The following DDC variants were observed in gnomAD, a reference collection of about 807,000 sequenced individuals.
DDC encodes the protein dopa decarboxylase.
Under a neutral mutation model 60.0 loss-of-function variants are expected in DDC, and 43 were observed. The observed-to-expected ratio is 0.72, with a 90% CI of 0.56 to 0.92. The LOEUF (loss-of-function observed/expected upper bound fraction) is 0.92, where lower values mean the gene tolerates loss of function less well. DDC is among the 40% of genes least tolerant of loss of function. DDC has a pLI of 0.00. For synonymous variants in DDC, 232 were observed against 234.6 expected, an observed-to-expected ratio of 0.99 and a Z score of 0.10; for missense variants, 573 against 620.2, an observed-to-expected ratio of 0.92 and a Z score of 0.81.
chr7:50,494,483 G>A (rs1442719710), intron 9 of DDC, among the ~76,000 whole-genome samples: 7 of 151,634 alleles, frequency 4.6e-5, no homozygotes, highest in African/African-American at 7.3e-5. Flanking sequence ...CAGCCTGGGC[G>A]ACAGAATGAG....
chr7:50,535,850 A>AT (rs1222287719), intron 4 of DDC, among the ~76,000 whole-genome samples: 1 of 152,138 alleles, frequency 6.6e-6, no homozygotes, highest in Non-Finnish European at 1.5e-5. Context: ...GACTTGAGAG[A>AT]TTATCTCAGA....
intron 9 of DDC, chr7:50,492,683 A>T: frequency 2.5e-6 from 3 of 1,221,724 alleles, no homozygotes; most frequent in Non-Finnish European, 3.1e-6. Flanking sequence ...TCTACAAGGA[A>T]ATTTTCCAAA....
At chr7:50,556,794 A>G (rs2153554041) in intron 1 of DDC, among the ~76,000 whole-genome samples, 1 of 152,158 alleles carries the variant, frequency 6.6e-6, no homozygotes, top group East Asian at 1.9e-4. Context: ...AACTGCCACA[A>G]TCAAGTGGAG....
intron 12 of DDC, 54 bp from the exon 13 acceptor site, chr7:50,467,369 T>C: frequency 6.9e-7 from 1 of 1,455,304 alleles, no homozygotes; most frequent in Non-Finnish European, 9.6e-7. Flanking sequence ...AATTCAGAAC[T>C]TAACTACCTA....
At chr7:50,520,627 A>C (rs2043863321) in intron 6 of DDC, among the ~76,000 whole-genome samples, 1 of 152,194 alleles carries the variant, frequency 6.6e-6, no homozygotes. Flanking sequence ...ATTTAAATGC[A>C]ATGTGGCCAG....
intron 6 of DDC, among the ~76,000 whole-genome samples, chr7:50,517,774 C>T (rs2043771471): frequency 6.8e-6 from 1 of 147,056 alleles, no homozygotes; most frequent in Admixed American, 6.9e-5. Flanking sequence ...CTCTTCTATA[C>T]ACCAACAGCA....
chr7:50,559,303 C>T (rs950650376), intron 1 of DDC, among the ~76,000 whole-genome samples: 12 of 143,704 alleles, frequency 8.4e-5, no homozygotes, highest in Non-Finnish European at 1.8e-4. Flanking sequence ...GGGATTCTAA[C>T]CTTTTCTACG....
chr7:50,546,187 G>T (rs1396988302), intron 1 of DDC, among the ~76,000 whole-genome samples: 1 of 152,140 alleles, frequency 6.6e-6, no homozygotes. Context: ...TTTTCCCATT[G>T]TCCATGCTGG....
chr7:50,540,490 ACAAAC>A (rs2044590430), intron 2 of DDC, among the ~76,000 whole-genome samples: 3 of 72,960 alleles, frequency 4.1e-5, no homozygotes, highest in East Asian at 1.2e-3. Context: ...AAACAAACAA[ACAAAC>A]AAAAAAAAAA....
chr7:50,510,378 ATG>A (rs926127424), intron 6 of DDC, among the ~76,000 whole-genome samples: 2 of 151,994 alleles, frequency 1.3e-5, no homozygotes, highest in African/African-American at 2.4e-5. Flanking sequence ...ACAAGAAAGA[ATG>A]TAAGTAGGCC....
At chr7:50,529,095 C>G in intron 5 of DDC, 113 bp downstream of exon 5, 1 of 1,415,684 alleles carries the variant, frequency 7.1e-7, no homozygotes, top group Non-Finnish European at 1.0e-6. Flanking sequence ...TTAGTGATAC[C>G]TGAGGAACTG....
At chr7:50,504,599 AT>A (rs1378247072) in intron 6 of DDC, among the ~76,000 whole-genome samples, 1 of 151,572 alleles carries the variant, frequency 6.6e-6, no homozygotes, top group African/African-American at 2.4e-5. Flanking sequence ...TATTTTCTAT[AT>A]ATATATGTGT....
intron 6 of DDC, among the ~76,000 whole-genome samples, chr7:50,526,932 G>T (rs910933817): frequency 6.6e-6 from 1 of 152,144 alleles, no homozygotes; most frequent in African/African-American, 2.4e-5. Context: ...TTCTAAATGT[G>T]TATGCACCAA....
At chr7:50,463,173 G>C (rs1182398372) in intron 14 of DDC, 40 bp downstream of exon 14, 1 of 1,519,044 alleles carries the variant, frequency 6.6e-7, no homozygotes, top group East Asian at 2.4e-5. Flanking sequence ...CTTGCCACGG[G>C]ACAAGGAGAC....
At chr7:50,462,611 G>T (rs11575548) in intron 14 of DDC, among the ~76,000 whole-genome samples, 13,673 of 152,182 alleles carry the variant, frequency 0.09, 900 homozygotes, top group South Asian at 0.12. Flanking sequence ...AGCTTGTTAT[G>T]ATAGTAAGTT....
chr7:50,559,725 G>C (rs1338725624), intron 1 of DDC, among the ~76,000 whole-genome samples: 4 of 152,230 alleles, frequency 2.6e-5, no homozygotes, highest in African/African-American at 9.6e-5. Context: ...ACTGCGCCCA[G>C]CCGCAGAACA....
At chr7:50,563,066 C>A (rs1563058619) in intron 1 of DDC, among the ~76,000 whole-genome samples, 1 of 151,116 alleles carries the variant, frequency 6.6e-6, no homozygotes, top group Admixed American at 6.6e-5. Context: ...ACTCAGGAGG[C>A]TGAGGCAGGA....
In DDC at chr7:50,537,476, G is replaced by A. The variant is rs117002618; in HGVS notation, c.435+384C>T. 9.3e-4 allele frequency among the ~76,000 whole-genome samples: 142 copies of A among 152,380 alleles called. 1 individual carries two copies. In the East Asian group the frequency reaches 0.021, roughly 23 times the overall value. On this transcript the variant is annotated intron_variant, in intron 4 of 14. Coordinates refer to ENST00000444124, the MANE Select transcript of DDC (RefSeq NM_001082971.2). ...AAGGGGTACTAAAATGCACAGTGTTGTTGTGAGAATTAAATGAGTTAATGC... is the reference window on the plus strand; with the variant it reads ...AAGGGGTACTAAAATGCACAGTGTTATTGTGAGAATTAAATGAGTTAATGC...
chr7:50,558,937 G>A (rs1336756146), intron 1 of DDC, among the ~76,000 whole-genome samples: 5 of 152,186 alleles, frequency 3.3e-5, no homozygotes, highest in East Asian at 1.9e-4. Context: ...GCAGACACAC[G>A]TCTGCCTCCA....
Sources: gnomAD v4.1 joint callset for allele counts (sites outside exome capture counted in the v4.1 genomes callset) on GRCh38, gnomAD v4.1.1 for gene constraint, MANE v1.5 for transcripts, NCBI Gene and HGNC (gene_info 2026-07-23, HGNC 2026-07-21) for gene names.